HS3ST6: variants seen among roughly 807,000 people sequenced by gnomAD.
HS3ST6 encodes heparan sulfate-glucosamine 3-sulfotransferase 6, also known as heparan sulfate glucosamine 3-O-sulfotransferase 6.
A neutral mutation model predicts 11.0 loss-of-function variants in HS3ST6; 13 were observed. The ratio of observed to expected loss-of-function variants is 1.18; its 90% CI spans 0.77 to 1.88. The LOEUF is 1.88. Ranked by LOEUF, HS3ST6 falls within the 40% of genes most tolerant of loss-of-function variation. HS3ST6 has a pLI of 0.00. For synonymous variants in HS3ST6, 232 were observed against 230.6 expected (o/e 1.01, Z -0.06); for missense variants, 541 against 494.4 (o/e 1.09, Z -0.89).
At chr16:1,920,057 A>C (rs1332305315), upstream of HS3ST6, among the ~76,000 whole-genome samples, 1 of 149,984 alleles carries the variant, frequency 6.7e-6, no homozygotes, top group African/African-American at 2.5e-5. Context: ...AGGAGTCCCC[A>C]CGGTCTCAGC....
At chr16:1,920,496 G>T (rs561171058), upstream of HS3ST6, among the ~76,000 whole-genome samples, 75 of 151,302 alleles carry the variant, frequency 5.0e-4, no homozygotes, top group Middle Eastern at 3.4e-3. Flanking sequence ...CTCAGGACTT[G>T]AAATTCCAGC....
upstream of HS3ST6, among the ~76,000 whole-genome samples, chr16:1,920,216 C>T (rs866140821): frequency 4.0e-5 from 5 of 125,894 alleles, no homozygotes; most frequent in Non-Finnish European, 7.1e-5. Flanking sequence ...TCAGGAGCCC[C>T]CACGGTCTCA....
chr16:1,918,102 C>G lies in HS3ST6; in HGVS notation c.222G>C (p.Pro74=). The change falls in exon 1 of 2, where the codon CCG becomes CCC. Residue 74 remains proline, a synonymous_variant. Transcript: ENST00000454677. The surrounding 1 kb of genome is among the most constrained non-coding windows in gnomAD (Gnocchi z 6.0). ...TGGCCAAAGGCAGGCCGGGTGCTCC[C>G]GGGCGGTGGACGGAGCTGGACGGCT... ...PSEPSSSVHR[P]GAPGLPLASG... The G allele has an allele frequency of 6.8e-7, 1 of 1,479,050 alleles. No homozygotes were observed. The highest frequency in any genetic ancestry group is 1.3e-5 in the South Asian group (1 of 77,260). The allele number at this position is 1,479,050 out of a possible 1,614,324, so 91.6% of individuals were successfully genotyped here.
rs2082939695 is a variant in HS3ST6, at chr16:1,918,151, G to A, written c.173C>T (p.Pro58Leu). Residue 58 changes from proline (P) to leucine (L), a missense_variant, in exon 1 of 2, where the codon CCC becomes CTC. Physicochemically the swap from Pro to Leu is moderately conservative, Grantham distance 98. Coordinates refer to ENST00000454677, the MANE Select transcript of HS3ST6 (RefSeq NM_001009606.4). This position sits in a 1 kb window ranked among gnomAD's most constrained non-coding sequence, Gnocchi z 6.0. ...PGRCPPAARA[P>L]APAPAPSEPS... ...CTCGGAGGGCGCGGGGGCCGGCGCGGGGGCGCGGGCGGCCGGCGGGCAGCG... is the reference window on the plus strand; with the variant it reads ...CTCGGAGGGCGCGGGGGCCGGCGCGAGGGCGCGGGCGGCCGGCGGGCAGCG... 8.5e-7 allele frequency: 1 copy of A among 1,174,916 alleles called. No homozygotes were observed. The highest frequency in any genetic ancestry group is 1.0e-6 in the Non-Finnish European group (1 of 952,408). 72.8% of individuals were successfully genotyped at this position (1,174,916 alleles called of 1,614,324 possible). A position where few individuals can be genotyped will look rare whatever the true frequency, so the allele number is the denominator to read the frequency against.
intron 1 of HS3ST6, among the ~76,000 whole-genome samples, chr16:1,916,194 G>C (rs77080700): frequency 9.5e-4 from 55 of 58,056 alleles, no homozygotes; most frequent in African/African-American, 2.9e-3. Flanking sequence ...CACTTGCAAT[G>C]CGGAAGCTCA....
chr16:1,914,751 G>T lies in HS3ST6; in HGVS notation c.414-2546C>A, dbSNP rs549794127. 1.1e-4 allele frequency among the ~76,000 whole-genome samples: 16 copies of T among 152,318 alleles called. No individual in the cohort carries two copies. The East Asian group carries it at 2.3e-3, about 22-fold the overall frequency. ...GGAAGGGGAGTGGGAACACAGACAG[G>T]CGGCAAGGGCTTTCGAGGCCCCCTC... On this transcript the variant is annotated intron_variant, in intron 1 of 1. Coordinates refer to ENST00000454677, the MANE Select transcript of HS3ST6 (RefSeq NM_001009606.4).
chr16:1,913,515 G>A (rs1049450166), intron 1 of HS3ST6, among the ~76,000 whole-genome samples: 1 of 152,206 alleles, frequency 6.6e-6, no homozygotes, highest in African/African-American at 2.4e-5. Context: ...AGGGCAGGGC[G>A]TGGTAGGTCA....
chr16:1,916,421 C>G (rs189652582), intron 1 of HS3ST6, among the ~76,000 whole-genome samples: 2 of 151,994 alleles, frequency 1.3e-5, no homozygotes, highest in African/African-American at 2.4e-5. Flanking sequence ...TCAGTGTCCC[C>G]GGAACCCCAC....
chr16:1,911,506 C>T lies in HS3ST6; in HGVS notation c.*84G>A, dbSNP rs1004458384. On this transcript the variant is annotated 3_prime_UTR_variant, in exon 2 of 2. Transcript: ENST00000454677. ...TCCAAGCTTTATTTCTTAAATATTC[C>T]TCTCTGCCCAGCATGTGCACGCAGC... The T allele has an allele frequency of 1.0e-5, 14 of 1,397,344 alleles. No individual in the cohort carries two copies. Among genetic ancestry groups the T allele is most frequent in the Non-Finnish European group, 1.1e-5 (12 of 1,060,210 alleles). 86.6% of individuals were successfully genotyped at this position (1,397,344 alleles called of 1,614,324 possible).
chr16:1,912,218 T>G lies in HS3ST6; in HGVS notation c.414-13A>C. 3 of 1,390,458 alleles carry G rather than the reference T, an allele frequency of 2.2e-6. No homozygotes were observed. The highest frequency in any genetic ancestry group is 1.9e-6 in the Non-Finnish European group (2 of 1,070,942). 86.1% of individuals were successfully genotyped at this position (1,390,458 alleles called of 1,614,324 possible). On this transcript the variant is annotated splice_polypyrimidine_tract_variant and intron_variant, in intron 1 of 1. Transcript: ENST00000454677. The surrounding 1 kb of genome is among the most constrained non-coding windows in gnomAD (Gnocchi z 5.6). Reference sequence around the variant, plus strand: ...GGGCATCAGACTCCTGCGGGACGGGTGCAAGGAGAGGGGGCCTGAGCCTCC... The same window carrying G: ...GGGCATCAGACTCCTGCGGGACGGGGGCAAGGAGAGGGGGCCTGAGCCTCC...
chr16:1,917,576 C>G (rs972966563), intron 1 of HS3ST6, among the ~76,000 whole-genome samples: 5 of 152,188 alleles, frequency 3.3e-5, no homozygotes, highest in Non-Finnish European at 7.4e-5. Context: ...AGAGGCATTT[C>G]TGACGCTGCC....
At chr16:1,917,289 C>G (rs2082932464) in intron 1 of HS3ST6, among the ~76,000 whole-genome samples, 1 of 152,106 alleles carries the variant, frequency 6.6e-6, no homozygotes, top group Non-Finnish European at 1.5e-5. Context: ...GGCTGCCGCA[C>G]CCCCACGTCC....
Position 1,918,365 on chromosome 16 carries a change from G to T in HS3ST6, c.-42C>A. On this transcript the variant is annotated 5_prime_UTR_variant, in exon 1 of 2. Coordinates refer to ENST00000454677, the MANE Select transcript of HS3ST6 (RefSeq NM_001009606.4). This position sits in a 1 kb window ranked among gnomAD's most constrained non-coding sequence, Gnocchi z 6.0. ...AGGCCCGGGAGCGGGGGCAGCAGGC[G>T]GGCGCGCATCTCGGCCCGCGCGCCG... 1 of 248,852 alleles carries T rather than the reference G, an allele frequency of 4.0e-6. No homozygotes were observed. The highest frequency in any genetic ancestry group is 1.3e-4 in the South Asian group (1 of 7,714). 15.4% of individuals were successfully genotyped at this position (248,852 alleles called of 1,614,324 possible). A position where few individuals can be genotyped will look rare whatever the true frequency, so the allele number is the denominator to read the frequency against.
In HS3ST6 at chr16:1,914,261, A is replaced by C. The variant is rs1419644679; in HGVS notation, c.414-2056T>G. On this transcript the variant is annotated intron_variant, in intron 1 of 1. Transcript: ENST00000454677. ...TGGAACCCGCGTGGGAGCCGCACCC[A>C]GCGTCCCAGGGACAAACACAGAGGC... 5.9e-5 allele frequency among the ~76,000 whole-genome samples: 9 copies of C among 152,270 alleles called. No individual in the cohort carries two copies. In the East Asian group the frequency reaches 1.7e-3, roughly 29 times the overall value.
rs933824743 is a variant in HS3ST6 at position 1,912,827 on chromosome 16, T to C, written c.414-622A>G. ...TATTTTTTGAGACGGAGTCTTGCTCTGTCACCCAGGCTGGAGTGTAGTGGT... is the reference window on the plus strand; with the variant it reads ...TATTTTTTGAGACGGAGTCTTGCTCCGTCACCCAGGCTGGAGTGTAGTGGT... On this transcript the variant is annotated intron_variant, in intron 1 of 1. Coordinates refer to ENST00000454677, the MANE Select transcript of HS3ST6 (RefSeq NM_001009606.4). This position sits in a 1 kb window ranked among gnomAD's most constrained non-coding sequence, Gnocchi z 5.6. Among the ~76,000 whole-genome samples, 1 of 152,208 alleles carries C rather than the reference T, an allele frequency of 6.6e-6. No individual in the cohort carries two copies. Among genetic ancestry groups the C allele is most frequent in the Non-Finnish European group, 1.5e-5 (1 of 68,044 alleles).
In HS3ST6 at chr16:1,912,515, C is replaced by T. The variant is rs1317269882; in HGVS notation, c.414-310G>A. 6.6e-6 allele frequency among the ~76,000 whole-genome samples: 1 copy of T among 152,162 alleles called. No individual in the cohort carries two copies. The highest frequency in any genetic ancestry group is 1.5e-5 in the Non-Finnish European group (1 of 68,022). ...AGGCCCAAATGCTCCTCACCACCCACATATCTTCCCTGTGCAATCCCTGCC... is the reference window on the plus strand; with the variant it reads ...AGGCCCAAATGCTCCTCACCACCCATATATCTTCCCTGTGCAATCCCTGCC... On this transcript the variant is annotated intron_variant, in intron 1 of 1. Coordinates refer to ENST00000454677, the MANE Select transcript of HS3ST6 (RefSeq NM_001009606.4). The surrounding 1 kb of genome is among the most constrained non-coding windows in gnomAD (Gnocchi z 5.6).
chr16:1,919,029 G>C (rs373917704), upstream of HS3ST6, among the ~76,000 whole-genome samples: 9 of 152,348 alleles, frequency 5.9e-5, no homozygotes, highest in South Asian at 1.7e-3. Context: ...GAGAGGTCAA[G>C]TCACCTCTGG....
chr16:1,912,210 G>T lies in HS3ST6; in HGVS notation c.414-5C>A, dbSNP rs376620987. 1 of 1,411,986 alleles carries T rather than the reference G, an allele frequency of 7.1e-7. No individual in the cohort carries two copies. The highest frequency in any genetic ancestry group is 1.5e-5 in the African/African-American group (1 of 67,546). The allele number at this position is 1,411,986 out of a possible 1,614,324, so 87.5% of individuals were successfully genotyped here. A position where few individuals can be genotyped will look rare whatever the true frequency, so the allele number is the denominator to read the frequency against. On this transcript the variant is annotated splice_polypyrimidine_tract_variant and splice_region_variant and intron_variant, in intron 1 of 1. Coordinates refer to ENST00000454677, the MANE Select transcript of HS3ST6 (RefSeq NM_001009606.4). This position sits in a 1 kb window ranked among gnomAD's most constrained non-coding sequence, Gnocchi z 5.6. ...AGGGTTCGGGGCATCAGACTCCTGC[G>T]GGACGGGTGCAAGGAGAGGGGGCCT...
chr16:1,919,594 C>A (rs1597013140), upstream of HS3ST6, among the ~76,000 whole-genome samples: 2 of 152,248 alleles, frequency 1.3e-5, no homozygotes, highest in African/African-American at 4.8e-5. Flanking sequence ...GGGCTTGCGG[C>A]CCCTGTCCTG....
Sources: gnomAD v4.1 joint callset for allele counts (sites outside exome capture counted in the v4.1 genomes callset) on GRCh38, gnomAD v4.1.1 for gene constraint, Gnocchi (gnomAD v3.1) non-coding constraint, MANE v1.5 for transcripts, NCBI Gene and HGNC (gene_info 2026-07-23, HGNC 2026-07-21) for gene names.